The following PRORP variants were observed in gnomAD, a reference collection of about 807,000 sequenced individuals.
PRORP encodes protein only RNase P catalytic subunit.
PRORP carries 51 observed loss-of-function variants against 59.4 expected under a neutral mutation model. The observed-to-expected ratio is 0.86, with a 90% CI of 0.69 to 1.08. PRORP has a LOEUF of 1.08. PRORP is among the 50% of genes least tolerant of loss of function. The probability of loss-of-function intolerance (pLI) is 0.00; values close to 1 mark genes in which losing one functional copy is unlikely to be tolerated. For synonymous variants in PRORP, 231 were observed against 245.6 expected (o/e 0.94, Z 0.55); for missense variants, 646 against 690.3 (o/e 0.94, Z 0.72).
At chr14:35,237,039 T>TCTTCCTTACTTTCCTTCC in intron 5 of PRORP, among the ~76,000 whole-genome samples, 1 of 130,522 alleles carries the variant, frequency 7.7e-6, no homozygotes, top group South Asian at 2.6e-4. Flanking sequence ...TCCTTCCTTC[T>TCTTCCTTACTTTCCTTCC]CTTCCTTCCT....
At chr14:35,218,135 C>T (rs1050466382) in intron 5 of PRORP, among the ~76,000 whole-genome samples, 1 of 151,878 alleles carries the variant, frequency 6.6e-6, no homozygotes, top group African/African-American at 2.4e-5. Flanking sequence ...CCAGGAAATC[C>T]CTGACACCCT....
chr14:35,138,374 A>G lies in PRORP; in HGVS notation c.1167+10763A>G, dbSNP rs1220002812. Among the ~76,000 whole-genome samples, 2 of 145,850 alleles carry G rather than the reference A, an allele frequency of 1.4e-5. 1 individual carries two copies. Among genetic ancestry groups the G allele is most frequent in the Non-Finnish European group, 3.0e-5 (2 of 65,634 alleles). Reference sequence around the variant, plus strand: ...CAGTCCGTAATACCGTTCATTGTAAATATGCGTTAATAAAACTATATTATA... The same window carrying G: ...CAGTCCGTAATACCGTTCATTGTAAGTATGCGTTAATAAAACTATATTATA... On this transcript the variant is annotated intron_variant, in intron 4 of 7. Transcript: ENST00000534898.
intron 5 of PRORP, among the ~76,000 whole-genome samples, chr14:35,258,855 G>C (rs1390768728): frequency 6.6e-6 from 1 of 152,186 alleles, no homozygotes; most frequent in Non-Finnish European, 1.5e-5. Flanking sequence ...TACCATAGCT[G>C]TATAAGAAGG....
chr14:35,166,989 T>C (rs1029910850), intron 4 of PRORP, among the ~76,000 whole-genome samples: 28 of 152,280 alleles, frequency 1.8e-4, no homozygotes, highest in African/African-American at 6.7e-4. Flanking sequence ...TGCATGAAGA[T>C]GGGGCATTTT....
At chr14:35,243,224 G>A (rs998406939) in intron 5 of PRORP, among the ~76,000 whole-genome samples, 3 of 152,064 alleles carry the variant, frequency 2.0e-5, no homozygotes, top group Non-Finnish European at 2.9e-5. Context: ...AATCATAGTC[G>A]CAGTTAGCTG....
chr14:35,207,694 C>T (rs2049329081), intron 5 of PRORP, among the ~76,000 whole-genome samples: 1 of 152,116 alleles, frequency 6.6e-6, no homozygotes, highest in African/African-American at 2.4e-5. Context: ...ATCTGTCTAT[C>T]CCTCAATTCA....
At chr14:35,136,115 A>G (rs958987456) in intron 4 of PRORP, among the ~76,000 whole-genome samples, 7 of 152,124 alleles carry the variant, frequency 4.6e-5, no homozygotes, top group Non-Finnish European at 1.0e-4. Context: ...TGGGATGATG[A>G]GGGAAATGAA....
intron 5 of PRORP, among the ~76,000 whole-genome samples, chr14:35,199,015 A>G (rs761687794): frequency 5.3e-5 from 8 of 152,202 alleles, no homozygotes; most frequent in Non-Finnish European, 1.0e-4. Flanking sequence ...AAAAATACAA[A>G]AAATTAGCTA....
rs534297807 is a variant in PRORP at position 35,193,251 on chromosome 14, A to G, written c.1275+12474A>G. Among the ~76,000 whole-genome samples the G allele has an allele frequency of 8.5e-5, 13 of 152,302 alleles. No individual in the cohort carries two copies. The East Asian group carries it at 2.3e-3, about 27-fold the overall frequency. ...CTGTGGATAACTGAGAATTGGTTAAAATGGCTTCAGCAGAATGAAAATTTA... is the reference window on the plus strand; with the variant it reads ...CTGTGGATAACTGAGAATTGGTTAAGATGGCTTCAGCAGAATGAAAATTTA... On this transcript the variant is annotated intron_variant, in intron 5 of 7. Coordinates refer to ENST00000534898, the MANE Select transcript of PRORP (RefSeq NM_014672.4).
At chr14:35,211,024 C>T (rs2049429584) in intron 5 of PRORP, among the ~76,000 whole-genome samples, 1 of 151,998 alleles carries the variant, frequency 6.6e-6, no homozygotes, top group Admixed American at 6.6e-5. Flanking sequence ...CCTTCCAGCT[C>T]AGCCTCCCAA....
chr14:35,134,545 A>C (rs1403348985), intron 4 of PRORP, among the ~76,000 whole-genome samples: 2 of 152,150 alleles, frequency 1.3e-5, no homozygotes, highest in East Asian at 1.9e-4. Flanking sequence ...CAAGGCAGTG[A>C]GTTCCCTTCT....
Position 35,230,374 on chromosome 14 carries a change from G to A in PRORP, c.1276-36353G>A, listed in dbSNP as rs866577534. 7.9e-4 allele frequency among the ~76,000 whole-genome samples: 121 copies of A among 152,306 alleles called. 1 individual carries two copies. The highest frequency in any genetic ancestry group is 2.7e-3 in the African/African-American group (113 of 41,568). On this transcript the variant is annotated intron_variant, in intron 5 of 7. Coordinates refer to ENST00000534898, the MANE Select transcript of PRORP (RefSeq NM_014672.4). ...ACCCATTACTGTAAATTCTGATAGA[G>A]ATGGGGAAAGCAGTATCACATAGCT... is the stretch of plus-strand genomic sequence containing the variant.
intron 5 of PRORP, among the ~76,000 whole-genome samples, chr14:35,215,381 T>C (rs987333803): frequency 1.3e-5 from 2 of 152,110 alleles, no homozygotes; most frequent in Admixed American, 1.3e-4. Flanking sequence ...TCTAATTCCT[T>C]CCTTTATTTA....
chr14:35,235,199 T>C, intron 5 of PRORP: 1 of 696,478 alleles, frequency 1.4e-6, no homozygotes, highest in Admixed American at 1.8e-5. Context: ...GGAAAGTTCT[T>C]TAGCCTTTGC....
At chr14:35,229,865 C>T (rs1205732699) in intron 5 of PRORP, among the ~76,000 whole-genome samples, 4 of 151,956 alleles carry the variant, frequency 2.6e-5, no homozygotes, top group Admixed American at 6.6e-5. Flanking sequence ...CTTTCACCAT[C>T]GCCTGACCTC....
At chr14:35,246,762 A>T (rs1007282012) in intron 5 of PRORP, among the ~76,000 whole-genome samples, 2 of 152,188 alleles carry the variant, frequency 1.3e-5, no homozygotes, top group African/African-American at 2.4e-5. Flanking sequence ...GTTGACAGAG[A>T]TTATCACAAA....
At chr14:35,206,094 A>T (rs564057813) in intron 5 of PRORP, among the ~76,000 whole-genome samples, 1 of 152,320 alleles carries the variant, frequency 6.6e-6, no homozygotes, top group South Asian at 2.1e-4. Context: ...TTGAATGAAT[A>T]TTTGACTTGA....
intron 5 of PRORP, among the ~76,000 whole-genome samples, chr14:35,257,018 G>A (rs2415278): frequency 0.14 from 21,171 of 151,618 alleles, 2,743 homozygotes; most frequent in African/African-American, 0.33. Flanking sequence ...GACTACAGGC[G>A]CTTGCCACCA....
intron 4 of PRORP, among the ~76,000 whole-genome samples, chr14:35,174,141 CA>C (rs35433127): frequency 0.59 from 89,122 of 151,674 alleles, 26,325 homozygotes; most frequent in East Asian, 0.69. Flanking sequence ...AGCCCATATT[CA>C]AAGCATAGGG....
Sources: allele counts gnomAD v4.1 joint callset (sites outside exome capture counted in the v4.1 genomes callset), GRCh38; gene constraint gnomAD v4.1.1; transcripts MANE v1.5; gene names NCBI Gene and HGNC (gene_info 2026-07-23, HGNC 2026-07-21).